The following NAV2 variants were observed in gnomAD, a reference collection of about 807,000 sequenced individuals.
NAV2 encodes the protein neuron navigator 2.
NAV2 carries 54 observed loss-of-function variants against 223.2 expected under a neutral mutation model. That is an observed-to-expected ratio of 0.24 (90% CI 0.19 to 0.30). The LOEUF (loss-of-function observed/expected upper bound fraction) is 0.30. Ranked by LOEUF, NAV2 falls within the 10% of genes least tolerant of loss-of-function variation. The probability of loss-of-function intolerance (pLI) is 1.00; values close to 1 mark genes in which losing one functional copy is unlikely to be tolerated. For synonymous variants in NAV2, 1,279 were observed against 1,239.3 expected, an observed-to-expected ratio of 1.03 and a Z score of -0.67; for missense variants, 2,806 against 3,147.5, an observed-to-expected ratio of 0.89 and a Z score of 2.60.
intron 4 of NAV2, among the ~76,000 whole-genome samples, chr11:19,877,470 C>CTTTTTTTTTTTTTCTTTTTTCTTTTCT (rs1555114910): frequency 9.4e-4 from 78 of 82,602 alleles, no homozygotes; most frequent in African/African-American, 4.6e-3. Context: ...TATCTTCATT[C>CTTTTTTTTTTTTTCTTTTTTCTTTTCT]TTTTTTTTTT....
intron 1 of NAV2, among the ~76,000 whole-genome samples, chr11:19,791,874 C>T (rs778525960): frequency 6.6e-6 from 1 of 152,250 alleles, no homozygotes; most frequent in African/African-American, 2.4e-5. Context: ...TTCCTCTCCA[C>T]CTAAGATGAT....
chr11:20,105,438 A>G, intron 34 of NAV2, 93 bp from the exon 35 acceptor site: 1 of 1,024,198 alleles, frequency 9.8e-7, no homozygotes. Flanking sequence ...ATTAGCATAT[A>G]CACCTTCTGT....
chr11:19,949,021 C>A lies in NAV2; in HGVS notation c.2586C>A (p.Gly862=). 8 of 1,613,824 alleles carry A rather than the reference C, an allele frequency of 5.0e-6. No homozygotes were observed. Among genetic ancestry groups the A allele is most frequent in the Non-Finnish European group, 5.9e-6 (7 of 1,179,784 alleles). The part of the protein sequence containing the change: ...DLEGISMDAP[G]YMSDGDVLSK... ...AAGGCATCAGCATGGATGCCCCCGGCTACATGAGCGACGGGGATGTTCTGA... is the reference window on the plus strand; with the variant it reads ...AAGGCATCAGCATGGATGCCCCCGGATACATGAGCGACGGGGATGTTCTGA... The change falls in exon 10 of 38, where the codon GGC becomes GGA. Residue 862 remains glycine, a synonymous_variant. Coordinates refer to ENST00000349880, the MANE Select transcript of NAV2 (RefSeq NM_145117.5).
intron 1 of NAV2, among the ~76,000 whole-genome samples, chr11:19,422,256 C>A (rs893584565): frequency 1.4e-4 from 22 of 152,196 alleles, no homozygotes; most frequent in Admixed American, 1.4e-3. Context: ...GTGGAAATCA[C>A]GCCTTGGTAC....
At chr11:19,930,557 A>T (rs1285879732) in intron 6 of NAV2, among the ~76,000 whole-genome samples, 1 of 152,194 alleles carries the variant, frequency 6.6e-6, no homozygotes, top group Non-Finnish European at 1.5e-5. Flanking sequence ...AGTTTATTTA[A>T]TTAAATTTAT....
intron 25 of NAV2, among the ~76,000 whole-genome samples, chr11:20,081,015 G>A (rs753730882): frequency 7.2e-5 from 11 of 152,180 alleles, no homozygotes; most frequent in South Asian, 2.1e-4. Context: ...CAGTGGCCCC[G>A]TTCCCCATTT....
chr11:19,594,559 A>G (rs1350360531), intron 1 of NAV2, among the ~76,000 whole-genome samples: 7 of 152,120 alleles, frequency 4.6e-5, no homozygotes, highest in Non-Finnish European at 8.8e-5. Context: ...TGTCGGTCCC[A>G]ACATGGTAGT....
At chr11:19,620,746 T>C (rs1398825819) in intron 1 of NAV2, among the ~76,000 whole-genome samples, 3 of 152,186 alleles carry the variant, frequency 2.0e-5, no homozygotes, top group East Asian at 1.9e-4. Context: ...ATTGAATACC[T>C]TTTATTTCCT....
At chr11:19,758,689 C>G (rs1481103035) in intron 1 of NAV2, among the ~76,000 whole-genome samples, 2 of 152,166 alleles carry the variant, frequency 1.3e-5, no homozygotes, top group Non-Finnish European at 2.9e-5. Context: ...CCCTGTGGAG[C>G]CCTCTGCTAT....
chr11:19,764,109 C>T (rs181167613), intron 1 of NAV2, among the ~76,000 whole-genome samples: 4 of 152,296 alleles, frequency 2.6e-5, no homozygotes, highest in Admixed American at 2.6e-4. Flanking sequence ...TGGCACAGGA[C>T]GAACACGTGC....
At chr11:19,637,119 A>G (rs1464384790) in intron 1 of NAV2, among the ~76,000 whole-genome samples, 1 of 152,158 alleles carries the variant, frequency 6.6e-6, no homozygotes, top group Non-Finnish European at 1.5e-5. Flanking sequence ...CCATGTGCAA[A>G]ACATAAGCTT....
intron 6 of NAV2, among the ~76,000 whole-genome samples, chr11:19,922,158 C>G (rs1458019070): frequency 1.6e-4 from 24 of 152,182 alleles, no homozygotes; most frequent in Admixed American, 1.6e-3. Context: ...CTAACACCCA[C>G]TGCTGTAATG....
intron 10 of NAV2, among the ~76,000 whole-genome samples, chr11:19,959,017 A>G (rs1216878836): frequency 6.6e-6 from 1 of 152,186 alleles, no homozygotes; most frequent in East Asian, 1.9e-4. Flanking sequence ...CCAGTTACAC[A>G]GGGGACACAA....
At chr11:20,008,048 G>T (rs1867118) in intron 11 of NAV2, among the ~76,000 whole-genome samples, 150,261 of 152,342 alleles carry the variant, frequency 0.99, 74,143 homozygotes, top group East Asian at 1. Flanking sequence ...ACCAAATATT[G>T]CAGAACTGTC....
At chr11:19,445,492 A>T (rs2133739826) in intron 1 of NAV2, among the ~76,000 whole-genome samples, 1 of 152,326 alleles carries the variant, frequency 6.6e-6, no homozygotes, top group East Asian at 1.9e-4. Context: ...CACTTTATAG[A>T]TAAGGAAGCT....
At chr11:20,025,651 G>C (rs1213491819) in intron 11 of NAV2, among the ~76,000 whole-genome samples, 3 of 152,224 alleles carry the variant, frequency 2.0e-5, no homozygotes, top group Non-Finnish European at 4.4e-5. Context: ...TGGGACAAAG[G>C]TGCGGTGGGG....
intron 10 of NAV2, among the ~76,000 whole-genome samples, chr11:19,966,664 C>T (rs1053636088): frequency 6.6e-6 from 1 of 152,196 alleles, no homozygotes; most frequent in Non-Finnish European, 1.5e-5. Flanking sequence ...TTACCACCCA[C>T]CTGCCACAAT....
chr11:20,095,402 CCTGT>C (rs1247607512), intron 29 of NAV2, among the ~76,000 whole-genome samples: 2 of 152,070 alleles, frequency 1.3e-5, no homozygotes, highest in Non-Finnish European at 2.9e-5. Context: ...TGATTTATGC[CCTGT>C]CTGACACATT....
intron 14 of NAV2, among the ~76,000 whole-genome samples, chr11:20,048,075 C>T (rs1486096010): frequency 6.6e-6 from 1 of 152,190 alleles, no homozygotes; most frequent in Non-Finnish European, 1.5e-5. Flanking sequence ...ACACAGTTCC[C>T]ACCCAGTGTG....
Sources: allele counts gnomAD v4.1 joint callset (sites outside exome capture counted in the v4.1 genomes callset), GRCh38; gene constraint gnomAD v4.1.1; transcripts MANE v1.5; gene names NCBI Gene and HGNC (gene_info 2026-07-23, HGNC 2026-07-21).